The following DLC1 variants were observed in gnomAD, a reference collection of about 807,000 sequenced individuals.
The protein encoded by DLC1 is DLC1 Rho GTPase activating protein.
A neutral mutation model predicts 140.3 loss-of-function variants in DLC1; 54 were observed. That is an observed-to-expected ratio of 0.38 (90% CI 0.31 to 0.48). DLC1 has a LOEUF of 0.48. Among genes scored for constraint, DLC1 ranks in the 20% least tolerant of loss-of-function variants. The pLI, the probability that DLC1 is intolerant of heterozygous loss-of-function variation, is 0.96. For missense variants in DLC1, 2,536 were observed against 1,907.0 expected (o/e 1.33, Z -6.14); for synonymous variants, 986 against 728.1 (o/e 1.35, Z -5.70).
At chr8:13,203,542 G>T (rs78131616) in intron 5 of DLC1, among the ~76,000 whole-genome samples, 2 of 152,080 alleles carry the variant, frequency 1.3e-5, no homozygotes, top group African/African-American at 2.4e-5. Context: ...GAGATTGTGC[G>T]CAATCCTGTC....
chr8:13,159,929 G>A (rs1290150664), intron 5 of DLC1, among the ~76,000 whole-genome samples: 2 of 151,876 alleles, frequency 1.3e-5, no homozygotes, highest in Admixed American at 1.3e-4. Context: ...GGAGGCTGAG[G>A]CGGGCAGATG....
rs192348962 is a variant in DLC1, at chr8:13,596,966, C to A, written c.-126+7571G>T. Reference sequence around the variant, plus strand: ...TCTGGAAGTTCTTGTGATGCAGATACACTCTTTTGTTTTTTCTATGTTCGT... The same window carrying A: ...TCTGGAAGTTCTTGTGATGCAGATAAACTCTTTTGTTTTTTCTATGTTCGT... On this transcript the variant is annotated intron_variant, in intron 1 of 1. Coordinates refer to the DLC1 transcript ENST00000631382. Among the ~76,000 whole-genome samples, 593 of 152,032 alleles carry A rather than the reference C, an allele frequency of 3.9e-3. 1 individual carries two copies. Among genetic ancestry groups the A allele is most frequent in the Non-Finnish European group, 6.7e-3 (452 of 67,936 alleles).
rs1834680900 is a variant in DLC1, at chr8:13,351,800, T to C, written c.1314+41753A>G. 2.0e-5 allele frequency among the ~76,000 whole-genome samples: 3 copies of C among 152,232 alleles called. No individual in the cohort carries two copies. The South Asian group carries it at 6.2e-4, about 32-fold the overall frequency. ...CTGGATGTCTATGTTCTGACACACT[T>C]CTCAAAAGAAATTCCAAAGGAAACC... On this transcript the variant is annotated intron_variant, in intron 4 of 17. Transcript: ENST00000276297.
At chr8:13,422,438 A>G (rs914669461) in intron 2 of DLC1, among the ~76,000 whole-genome samples, 16 of 152,024 alleles carry the variant, frequency 1.1e-4, no homozygotes, top group East Asian at 5.8e-4. Context: ...TGTTGTCTAC[A>G]TAATATAGTA....
At chr8:13,092,993 G>C (rs1189283054) in intron 12 of DLC1, among the ~76,000 whole-genome samples, 168 bp from the exon 13 acceptor site, 1 of 152,086 alleles carries the variant, frequency 6.6e-6, no homozygotes, top group African/African-American at 2.4e-5. Context: ...ATTGCCACCG[G>C]CGTCACTATC....
chr8:13,411,358 CA>C (rs1837772583), intron 2 of DLC1, among the ~76,000 whole-genome samples: 1 of 151,958 alleles, frequency 6.6e-6, no homozygotes, highest in South Asian at 2.1e-4. Flanking sequence ...TCTGGAGAGG[CA>C]AAACTATGGA....
intron 1 of DLC1, among the ~76,000 whole-genome samples, chr8:13,584,688 C>G (rs1337194670): frequency 6.6e-6 from 1 of 152,110 alleles, no homozygotes; most frequent in Admixed American, 6.5e-5. Flanking sequence ...TATACCATAG[C>G]TTAGCTGGAG....
chr8:13,531,207 G>T (rs190099402), intron 1 of DLC1, among the ~76,000 whole-genome samples: 67 of 152,202 alleles, frequency 4.4e-4, no homozygotes, highest in African/African-American at 1.6e-3. Context: ...TGTCTGCCCT[G>T]GAAACCACCC....
At chr8:13,520,614 A>C (rs1802734703) in intron 1 of DLC1, among the ~76,000 whole-genome samples, 1 of 152,302 alleles carries the variant, frequency 6.6e-6, no homozygotes, top group East Asian at 1.9e-4. Context: ...CAGAACTTAA[A>C]GTATAATTAA....
chr8:13,147,580 C>T (rs1009455459), intron 5 of DLC1, among the ~76,000 whole-genome samples: 1 of 152,204 alleles, frequency 6.6e-6, no homozygotes, highest in African/African-American at 2.4e-5. Flanking sequence ...AGCAGTTCTA[C>T]TCCAACCAGG....
chr8:13,503,272 C>T (rs374492039), intron 1 of DLC1, among the ~76,000 whole-genome samples: 52 of 152,076 alleles, frequency 3.4e-4, no homozygotes, highest in African/African-American at 9.9e-4. Context: ...GGAGTGGTGG[C>T]GTGCACCTGT....
intron 1 of DLC1, among the ~76,000 whole-genome samples, chr8:13,597,170 A>G (rs1805709374): frequency 6.6e-6 from 1 of 152,046 alleles, no homozygotes; most frequent in Admixed American, 6.6e-5. Context: ...AAATTTATTG[A>G]TATAATTCTA....
chr8:13,163,354 C>T (rs1824863838), intron 5 of DLC1, among the ~76,000 whole-genome samples: 1 of 152,130 alleles, frequency 6.6e-6, no homozygotes, highest in African/African-American at 2.4e-5. Flanking sequence ...ATCTAGTGTT[C>T]AGTGCAAGAC....
intron 2 of DLC1, among the ~76,000 whole-genome samples, chr8:13,442,645 C>G (rs1482936322): frequency 6.6e-6 from 1 of 152,146 alleles, no homozygotes; most frequent in Non-Finnish European, 1.5e-5. Context: ...CAAATCAAAA[C>G]CACAATGAGA....
At chr8:13,469,040 C>T (rs527699719) in intron 2 of DLC1, among the ~76,000 whole-genome samples, 2 of 151,758 alleles carry the variant, frequency 1.3e-5, no homozygotes, top group African/African-American at 4.8e-5. Flanking sequence ...AGGATGGTCT[C>T]GAACGCCTGA....
At chr8:13,135,015 C>G (rs1312054942) in intron 5 of DLC1, among the ~76,000 whole-genome samples, 1 of 152,032 alleles carries the variant, frequency 6.6e-6, no homozygotes, top group East Asian at 1.9e-4. Flanking sequence ...AAATGGAGAT[C>G]TGATCTGGCC....
At chr8:13,549,306 C>T (rs765383920) in intron 1 of DLC1, among the ~76,000 whole-genome samples, 32 of 152,026 alleles carry the variant, frequency 2.1e-4, no homozygotes, top group Non-Finnish European at 3.5e-4. Context: ...TGAAAAGAAA[C>T]TTAATACTTT....
At chr8:13,306,199 T>C (rs1043811192) in intron 4 of DLC1, among the ~76,000 whole-genome samples, 2 of 152,200 alleles carry the variant, frequency 1.3e-5, no homozygotes, top group African/African-American at 4.8e-5. Context: ...AGTTGACTGA[T>C]GTGAAAGATT....
chr8:13,466,750 T>G (rs1799961524), intron 2 of DLC1, among the ~76,000 whole-genome samples: 1 of 152,210 alleles, frequency 6.6e-6, no homozygotes, highest in South Asian at 2.1e-4. Context: ...ACCTTTATCA[T>G]ACACCAAAGT....
Sources: allele counts gnomAD v4.1 joint callset (sites outside exome capture counted in the v4.1 genomes callset), GRCh38; gene constraint gnomAD v4.1.1; transcripts MANE v1.5; gene names NCBI Gene and HGNC (gene_info 2026-07-23, HGNC 2026-07-21).